MAPK4: variants seen among roughly 807,000 people sequenced by gnomAD.
MAPK4 encodes the protein mitogen-activated protein kinase 4.
MAPK4 carries 22 observed loss-of-function variants against 47.7 expected under a neutral mutation model. The ratio of observed to expected loss-of-function variants is 0.46; its 90% CI spans 0.33 to 0.66. The LOEUF (loss-of-function observed/expected upper bound fraction) is 0.66. Among genes scored for constraint, MAPK4 ranks in the 30% least tolerant of loss-of-function variants. MAPK4 has a pLI of 0.02. For missense variants in MAPK4, 736 were observed against 831.7 expected (o/e 0.88, Z 1.42); for synonymous variants, 390 against 365.7 (o/e 1.07, Z -0.76).
intron 1 of MAPK4, among the ~76,000 whole-genome samples, chr18:50,654,727 C>T (rs1176320902): frequency 6.6e-6 from 1 of 152,228 alleles, no homozygotes; most frequent in African/African-American, 2.4e-5. Flanking sequence ...CTTTGTGCAG[C>T]TGGTGCTATG....
At chr18:50,645,161 C>T (rs1462398203) in intron 1 of MAPK4, among the ~76,000 whole-genome samples, 1 of 152,170 alleles carries the variant, frequency 6.6e-6, no homozygotes, top group African/African-American at 2.4e-5. Context: ...TTCTGCTGAA[C>T]ATCTACAGCA....
chr18:50,635,568 T>C (rs1344591525), intron 1 of MAPK4, among the ~76,000 whole-genome samples: 1 of 152,208 alleles, frequency 6.6e-6, no homozygotes, highest in African/African-American at 2.4e-5. Flanking sequence ...TCCCTAAAAA[T>C]GCAAATATGA....
chr18:50,656,598 G>T (rs1033081027), intron 1 of MAPK4, among the ~76,000 whole-genome samples: 4 of 152,134 alleles, frequency 2.6e-5, no homozygotes, highest in African/African-American at 7.2e-5. Flanking sequence ...AAGGGGAGGG[G>T]ATGACACAAG....
chr18:50,656,701 C>G (rs924376095), intron 1 of MAPK4, among the ~76,000 whole-genome samples: 2 of 152,142 alleles, frequency 1.3e-5, no homozygotes, highest in African/African-American at 4.8e-5. Context: ...CTGCTTCCTG[C>G]TACGCTTATA....
At chr18:50,569,925 G>A (rs559578410) in intron 1 of MAPK4, among the ~76,000 whole-genome samples, 2 of 152,350 alleles carry the variant, frequency 1.3e-5, no homozygotes, top group African/African-American at 4.8e-5. Context: ...AGGCCTACAT[G>A]TCTAGATCTC....
intron 1 of MAPK4, among the ~76,000 whole-genome samples, chr18:50,655,567 G>A (rs73959989): frequency 0.024 from 3,611 of 152,250 alleles, 133 homozygotes; most frequent in African/African-American, 0.083. Flanking sequence ...CTGGGGTGGA[G>A]GGAGCAGCGC....
At chr18:50,705,155 A>G in intron 2 of MAPK4, 1 of 181,412 alleles carries the variant, frequency 5.5e-6, no homozygotes, top group Non-Finnish European at 1.1e-5. Context: ...AGATTTCTAC[A>G]TGGCAATGAA....
At chr18:50,687,191 T>G (rs1263041338) in intron 2 of MAPK4, among the ~76,000 whole-genome samples, 2 of 152,060 alleles carry the variant, frequency 1.3e-5, no homozygotes, top group Non-Finnish European at 2.9e-5. Flanking sequence ...CTGGCTAATT[T>G]TTTTTCTATT....
At chr18:50,715,003 G>A in intron 2 of MAPK4, 76 bp from the exon 3 acceptor site, 3 of 1,452,172 alleles carry the variant, frequency 2.1e-6, no homozygotes. Context: ...TTCATGGGAG[G>A]GGAAACTGGA....
In MAPK4 at chr18:50,729,129, C is replaced by T. The variant is rs1286507877; in HGVS notation, c.1068-29C>T. On this transcript the variant is annotated intron_variant, in intron 5 of 5. Coordinates refer to ENST00000400384, the MANE Select transcript of MAPK4 (RefSeq NM_002747.4). ...CCGGAAGCTACCTGGCTTGGGCATC[C>T]AATCACCGCTCTGTTTGTACCCTTG... is the stretch of plus-strand genomic sequence containing the variant. The T allele has an allele frequency of 3.3e-6, 5 of 1,515,204 alleles. No homozygotes were observed. The African/African-American group carries it at 5.5e-5, about 17-fold the overall frequency. 93.9% of individuals were successfully genotyped at this position (1,515,204 alleles called of 1,614,324 possible). A position where few individuals can be genotyped will look rare whatever the true frequency, so the allele number is the denominator to read the frequency against.
chr18:50,635,554 A>G (rs2144166316), intron 1 of MAPK4, among the ~76,000 whole-genome samples: 1 of 152,342 alleles, frequency 6.6e-6, no homozygotes, highest in South Asian at 2.1e-4. Flanking sequence ...TGTAGTCAGA[A>G]TCATCCCTAA....
intron 1 of MAPK4, among the ~76,000 whole-genome samples, chr18:50,632,044 G>C (rs1327186496): frequency 6.6e-6 from 1 of 152,126 alleles, no homozygotes; most frequent in African/African-American, 2.4e-5. Flanking sequence ...AAGGCACAGT[G>C]GGGGAGCTGC....
Position 50,632,015 on chromosome 18 carries a change from C to T in MAPK4, c.-870-31074C>T, listed in dbSNP as rs537686943. Among the ~76,000 whole-genome samples the T allele has an allele frequency of 9.9e-5, 15 of 152,208 alleles. No homozygotes were observed. In the South Asian group the frequency reaches 2.5e-3, roughly 25 times the overall value. Reference sequence around the variant, plus strand: ...TGTTAGGTGTCTGTTGCTGTTGGCACGTGTGGGTGGCCGTGAGAAAGGCAC... The same window carrying T: ...TGTTAGGTGTCTGTTGCTGTTGGCATGTGTGGGTGGCCGTGAGAAAGGCAC... On this transcript the variant is annotated intron_variant, in intron 1 of 5. Coordinates refer to ENST00000400384, the MANE Select transcript of MAPK4 (RefSeq NM_002747.4).
At chr18:50,702,555 T>G (rs1388490206) in intron 2 of MAPK4, among the ~76,000 whole-genome samples, 2 of 152,214 alleles carry the variant, frequency 1.3e-5, no homozygotes, top group Non-Finnish European at 2.9e-5. Context: ...TTTATAATTT[T>G]TAATTTGCTG....
At position 50,685,585 on chromosome 18, in the gene MAPK4, A is replaced by T. The variant is rs144200373; in HGVS notation, c.546+21081A>T. Among the ~76,000 whole-genome samples, 852 of 152,312 alleles carry T rather than the reference A, an allele frequency of 5.6e-3. 10 individuals are homozygous for T. Among genetic ancestry groups the T allele is most frequent in the African/African-American group, 0.02 (815 of 41,568 alleles). The stretch of plus-strand genomic sequence containing the variant: ...GGGATGGCATAAAGCCAGCCGTGGG[A>T]TTGCTTATCCAGCCAGGCAGGACTC... On this transcript the variant is annotated intron_variant, in intron 2 of 5. Coordinates refer to ENST00000400384, the MANE Select transcript of MAPK4 (RefSeq NM_002747.4).
chr18:50,606,871 C>T (rs61148001), intron 1 of MAPK4, among the ~76,000 whole-genome samples: 35,045 of 152,050 alleles, frequency 0.23, 4,318 homozygotes, highest in East Asian at 0.46. Flanking sequence ...GAGCTGGTGC[C>T]CAGTTCACTG....
At chr18:50,615,731 A>T (rs1431506684) in intron 1 of MAPK4, among the ~76,000 whole-genome samples, 1 of 152,216 alleles carries the variant, frequency 6.6e-6, no homozygotes, top group Non-Finnish European at 1.5e-5. Flanking sequence ...GGGAGGGATA[A>T]TGATAATTTA....
chr18:50,674,029 G>A (rs1412334260), intron 2 of MAPK4, among the ~76,000 whole-genome samples: 1 of 152,090 alleles, frequency 6.6e-6, no homozygotes, highest in Non-Finnish European at 1.5e-5. Context: ...TTATTAAATG[G>A]AATGAAGTGG....
chr18:50,698,334 A>G (rs960283620), intron 2 of MAPK4, among the ~76,000 whole-genome samples: 5 of 152,244 alleles, frequency 3.3e-5, no homozygotes, highest in Admixed American at 6.5e-5. Flanking sequence ...GCTCATAAAT[A>G]TTCATTTATT....
Sources: allele counts gnomAD v4.1 joint callset (sites outside exome capture counted in the v4.1 genomes callset), GRCh38; gene constraint gnomAD v4.1.1; transcripts MANE v1.5; gene names NCBI Gene and HGNC (gene_info 2026-07-23, HGNC 2026-07-21).